The following TMEM41B variants were observed in gnomAD, a reference collection of about 807,000 sequenced individuals.
TMEM41B encodes the protein protein stasimon.
A neutral mutation model predicts 31.9 loss-of-function variants in TMEM41B; 18 were observed. That is an observed-to-expected ratio of 0.56 (90% CI 0.39 to 0.84). TMEM41B has a LOEUF of 0.84. Ranked by LOEUF, TMEM41B falls within the 40% of genes least tolerant of loss-of-function variation. TMEM41B has a pLI of 0.00. For synonymous variants in TMEM41B, 144 were observed against 124.3 expected, an observed-to-expected ratio of 1.16 and a Z score of -1.05; for missense variants, 322 against 348.0, an observed-to-expected ratio of 0.93 and a Z score of 0.59.
At chr11:9,298,840 T>A (rs10743100) in intron 2 of TMEM41B, among the ~76,000 whole-genome samples, 145,615 of 152,000 alleles carry the variant, frequency 0.96, 70,066 homozygotes, top group East Asian at 1. Context: ...GATACTTTGA[T>A]ATCACATTTC....
intron 1 of TMEM41B, among the ~76,000 whole-genome samples, chr11:9,305,775 AAAAAT>A (rs375780195): frequency 5.9e-5 from 9 of 152,136 alleles, no homozygotes; most frequent in African/African-American, 1.9e-4. Context: ...AAAAACTAAC[AAAAAT>A]AATTTCATAT....
rs569346892 is a variant in TMEM41B, at chr11:9,299,654, A to G, written c.169T>C (p.Leu57=). The change falls in exon 2 of 7, where the codon TTG becomes CTG. Residue 57 remains leucine (L), a synonymous_variant. Transcript: ENST00000528080. ...AGSARMSLLI[L]VSIFLSAAFV... is the part of the protein sequence containing the mutation. The stretch of plus-strand genomic sequence containing the variant: ...GCTGCAGATAAGAAAATGGACACCA[A>G]TATAAGGAGTGACATTCTTGCTGAT... 6.2e-7 allele frequency: 1 copy of G among 1,613,540 alleles called. No individual in the cohort carries two copies. Among genetic ancestry groups the G allele is most frequent in the East Asian group, 2.2e-5 (1 of 44,868 alleles).
intron 3 of TMEM41B, among the ~76,000 whole-genome samples, chr11:9,294,275 AC>A (rs1277509314): frequency 6.7e-6 from 1 of 150,284 alleles, no homozygotes; most frequent in East Asian, 2.0e-4. Flanking sequence ...TGGGCAGATC[AC>A]CTGAGGTCAG....
rs531424106 is a variant in TMEM41B at position 9,308,063 on chromosome 11, G to A, written c.121+6258C>T. On this transcript the variant is annotated intron_variant, in intron 1 of 6. Transcript: ENST00000528080. ...AAAATCATTTTTTAAAAACACAACA[G>A]AGGCGAGACACAGTGGCTCACACAT... 1.2e-3 allele frequency among the ~76,000 whole-genome samples: 175 copies of A among 151,808 alleles called. 1 individual carries two copies. The highest frequency in any genetic ancestry group is 4.1e-3 in the African/African-American group (168 of 41,432).
chr11:9,289,895 A>AATCC (rs1852915720), intron 3 of TMEM41B, among the ~76,000 whole-genome samples: 1 of 152,092 alleles, frequency 6.6e-6, no homozygotes, highest in African/African-American at 2.4e-5. Context: ...TCTGTTGGCC[A>AATCC]CACAATCCCT....
At chr11:9,312,866 T>C (rs993642198) in intron 1 of TMEM41B, among the ~76,000 whole-genome samples, 21 of 138,316 alleles carry the variant, frequency 1.5e-4, no homozygotes, top group African/African-American at 5.3e-4. Context: ...ATTGCGCCAC[T>C]GCACTCCAGC....
chr11:9,299,899 C>T (rs937259449), intron 1 of TMEM41B, among the ~76,000 whole-genome samples, 198 bp from the exon 2 acceptor site: 5 of 152,110 alleles, frequency 3.3e-5, no homozygotes, highest in African/African-American at 4.8e-5. Context: ...GCAGGTAGAT[C>T]ACTTGAGGTT....
At position 9,287,720 on chromosome 11, in the gene TMEM41B, T is replaced by C. The variant is rs2133611696; in HGVS notation, c.549A>G (p.Ala183=). 2 of 1,610,286 alleles carry C rather than the reference T, an allele frequency of 1.2e-6. No homozygotes were observed. Among genetic ancestry groups the C allele is most frequent in the East Asian group, 4.5e-5 (2 of 44,840 alleles). Residue 183 remains alanine (A), a synonymous_variant, in exon 5 of 7, where the codon GCA becomes GCG. Transcript: ENST00000528080. ...PVVYKYLTEK[A]VKWSQQVERH... is the part of the protein sequence containing the mutation. The stretch of plus-strand genomic sequence containing the variant: ...TGTTTACCTGCTGTGACCATTTTAC[T>C]GCTTTCTCTGTTAGGTATTTGTATA...
At chr11:9,297,475 C>T (rs1295310123) in intron 2 of TMEM41B, among the ~76,000 whole-genome samples, 1 of 151,990 alleles carries the variant, frequency 6.6e-6, no homozygotes, top group Non-Finnish European at 1.5e-5. Flanking sequence ...GGGTGGATCA[C>T]GAGGTCAGGA....
chr11:9,312,366 G>T (rs1201325061), intron 1 of TMEM41B, among the ~76,000 whole-genome samples: 2 of 152,156 alleles, frequency 1.3e-5, no homozygotes, highest in Non-Finnish European at 2.9e-5. Context: ...GCTGAGCATG[G>T]TGGCACACAC....
intron 1 of TMEM41B, chr11:9,311,191 G>A (rs1236789421): frequency 2.2e-6 from 3 of 1,379,604 alleles, no homozygotes; most frequent in Non-Finnish European, 2.9e-6. Context: ...GAGCACAAGG[G>A]CTACTTTCCC....
intron 1 of TMEM41B, among the ~76,000 whole-genome samples, chr11:9,314,053 A>T (rs1205000515): frequency 1.3e-5 from 2 of 152,072 alleles, no homozygotes; most frequent in Non-Finnish European, 2.9e-5. Flanking sequence ...CATCAACCTT[A>T]CAATCTACCT....
intron 2 of TMEM41B, among the ~76,000 whole-genome samples, chr11:9,298,551 G>C (rs1853157467): frequency 1.3e-5 from 2 of 151,788 alleles, no homozygotes; most frequent in South Asian, 4.2e-4. Context: ...GATCACTTGA[G>C]GCCAGGAGTT....
chr11:9,294,395 T>A (rs577809898), intron 3 of TMEM41B, among the ~76,000 whole-genome samples: 5 of 150,988 alleles, frequency 3.3e-5, no homozygotes, highest in African/African-American at 1.2e-4. Context: ...CTTGGGAGGC[T>A]GAGACTGGAG....
chr11:9,313,013 T>C (rs1229384058), intron 1 of TMEM41B, among the ~76,000 whole-genome samples: 1 of 152,122 alleles, frequency 6.6e-6, no homozygotes, highest in Non-Finnish European at 1.5e-5. Context: ...ATTTTTTGAA[T>C]AGCTTTAGGT....
intron 4 of TMEM41B, chr11:9,288,039 A>T (rs765838176): frequency 6.1e-6 from 3 of 492,340 alleles, no homozygotes; most frequent in Non-Finnish European, 1.1e-5. Flanking sequence ...ACTATATCCA[A>T]ATAATTAATG....
In TMEM41B at chr11:9,296,935, T is replaced by C. The variant is rs547413249; in HGVS notation, c.240-1548A>G. Among the ~76,000 whole-genome samples the C allele has an allele frequency of 4.0e-5, 6 of 151,680 alleles. No individual in the cohort carries two copies. The South Asian group carries it at 1.3e-3, about 32-fold the overall frequency. ...CATTTCTTTTTTTTTGTTTGTTCTATAGGCAGGCTCCCATGCTCTGTCACC... is the reference window on the plus strand; with the variant it reads ...CATTTCTTTTTTTTTGTTTGTTCTACAGGCAGGCTCCCATGCTCTGTCACC... On this transcript the variant is annotated intron_variant, in intron 2 of 6. Transcript: ENST00000528080.
intron 6 of TMEM41B, among the ~76,000 whole-genome samples, chr11:9,286,017 A>C (rs1171422556): frequency 6.6e-6 from 1 of 152,142 alleles, no homozygotes; most frequent in African/African-American, 2.4e-5. Flanking sequence ...TGGGAGGCTG[A>C]GGCAGGAGAA....
chr11:9,288,694 T>A (rs1316456917), intron 3 of TMEM41B, among the ~76,000 whole-genome samples, 159 bp from the exon 4 acceptor site: 1 of 152,160 alleles, frequency 6.6e-6, no homozygotes, highest in Non-Finnish European at 1.5e-5. Context: ...AACAGTATCA[T>A]AAATACTAGT....
Sources: allele counts gnomAD v4.1 joint callset (sites outside exome capture counted in the v4.1 genomes callset), GRCh38; gene constraint gnomAD v4.1.1; transcripts MANE v1.5; gene names NCBI Gene and HGNC (gene_info 2026-07-23, HGNC 2026-07-21).